ADAMTS6: variants seen among roughly 807,000 people sequenced by gnomAD.
ADAMTS6 encodes the protein ADAM metallopeptidase with thrombospondin type 1 motif 6.
Under a neutral mutation model 144.3 loss-of-function variants are expected in ADAMTS6, and 23 were observed. That is an observed-to-expected ratio of 0.16 (90% CI 0.11 to 0.23). ADAMTS6 has a LOEUF of 0.23. Among genes scored for constraint, ADAMTS6 ranks in the 10% least tolerant of loss-of-function variants. The pLI is 1.00. For synonymous variants in ADAMTS6, 444 were observed against 457.5 expected (o/e 0.97, Z 0.38); for missense variants, 999 against 1,379.6 (o/e 0.72, Z 4.37).
intron 24 of ADAMTS6, among the ~76,000 whole-genome samples, chr5:65,153,964 T>C (rs1253921767): frequency 6.6e-6 from 1 of 152,118 alleles, no homozygotes; most frequent in South Asian, 2.1e-4. Flanking sequence ...TCTCAGCACT[T>C]TGGGAGGCTG....
rs1754666561 is a variant in ADAMTS6 at position 65,407,689 on chromosome 5, CA to C, written c.1073+43785del. On this transcript the variant is annotated intron_variant, in intron 7 of 24. Transcript: ENST00000381055. ...GAACTCATCATTTTTTATGGCTGCA[CA>C]GTATTCCATGGTGTATATATGCCAC... Among the ~76,000 whole-genome samples, 3 of 152,040 alleles carry C rather than the reference CA, an allele frequency of 2.0e-5. No individual in the cohort carries two copies. In the South Asian group the frequency reaches 6.2e-4, roughly 32 times the overall value.
chr5:65,469,614 G>A (rs1760280882), intron 3 of ADAMTS6, among the ~76,000 whole-genome samples: 1 of 152,130 alleles, frequency 6.6e-6, no homozygotes, highest in Non-Finnish European at 1.5e-5. Flanking sequence ...TAGAAATTAA[G>A]CCTAAATCTT....
intron 7 of ADAMTS6, among the ~76,000 whole-genome samples, chr5:65,339,350 T>C (rs1580435797): frequency 6.6e-6 from 1 of 152,018 alleles, no homozygotes; most frequent in East Asian, 1.9e-4. Flanking sequence ...CCTATTTATA[T>C]GGATTAATCT....
At chr5:65,392,735 G>T (rs1425407972) in intron 7 of ADAMTS6, among the ~76,000 whole-genome samples, 1 of 152,044 alleles carries the variant, frequency 6.6e-6, no homozygotes, top group East Asian at 1.9e-4. Context: ...ACTTTCAGAA[G>T]GTTCTAACAC....
chr5:65,199,497 T>G (rs574729471), intron 20 of ADAMTS6, among the ~76,000 whole-genome samples: 7 of 152,320 alleles, frequency 4.6e-5, no homozygotes, highest in Non-Finnish European at 8.8e-5. Flanking sequence ...TAACAATGTA[T>G]GTATCTTGAA....
intron 7 of ADAMTS6, 39 bp from the exon 8 acceptor site, chr5:65,334,124 G>T (rs980222195): frequency 1.3e-6 from 2 of 1,491,768 alleles, no homozygotes; most frequent in Non-Finnish European, 8.9e-7. Flanking sequence ...AATCTGATCA[G>T]ATTTGTAACA....
intron 7 of ADAMTS6, among the ~76,000 whole-genome samples, chr5:65,387,737 G>A (rs1752590697): frequency 6.6e-6 from 1 of 152,136 alleles, no homozygotes; most frequent in Non-Finnish European, 1.5e-5. Context: ...AGTGAGGTTT[G>A]TTGGTTAATC....
chr5:65,358,540 A>G (rs943303746), intron 7 of ADAMTS6, among the ~76,000 whole-genome samples: 3 of 152,134 alleles, frequency 2.0e-5, no homozygotes, highest in Admixed American at 1.3e-4. Context: ...TAAAATTCAT[A>G]TGGAACCACA....
chr5:65,354,903 T>C (rs1473409189), intron 7 of ADAMTS6, among the ~76,000 whole-genome samples: 1 of 151,810 alleles, frequency 6.6e-6, no homozygotes, highest in Non-Finnish European at 1.5e-5. Context: ...AGCCCTAATA[T>C]AGTTAAGATA....
intron 7 of ADAMTS6, among the ~76,000 whole-genome samples, chr5:65,413,230 T>C (rs1390916890): frequency 6.6e-6 from 1 of 152,158 alleles, no homozygotes; most frequent in Non-Finnish European, 1.5e-5. Flanking sequence ...AGGAACTCTG[T>C]GGTAAGCCTA....
intron 12 of ADAMTS6, among the ~76,000 whole-genome samples, chr5:65,263,414 TA>T (rs747254767): frequency 0.019 from 2,320 of 123,206 alleles, 21 homozygotes; most frequent in Admixed American, 0.029. Context: ...TGCTCTTTCT[TA>T]AAAAAAAAAA....
intron 7 of ADAMTS6, among the ~76,000 whole-genome samples, chr5:65,353,921 T>A (rs1749083401): frequency 6.6e-6 from 1 of 151,954 alleles, no homozygotes; most frequent in Non-Finnish European, 1.5e-5. Flanking sequence ...TCAAATAGAT[T>A]ATTAAATTGT....
At position 65,478,253 on chromosome 5, in the gene ADAMTS6, G is replaced by A. The variant is rs138679472; in HGVS notation, c.-280+3090C>T. On this transcript the variant is annotated intron_variant, in intron 1 of 24. Transcript: ENST00000381055. ...AACCCACTTTCTGACACCTGGTGGG[G>A]AGGTTAATCTGGACACCATAAATAT... is the stretch of plus-strand genomic sequence containing the variant. Among the ~76,000 whole-genome samples, 608 of 152,316 alleles carry A rather than the reference G, an allele frequency of 4.0e-3. 3 individuals are homozygous for A. Among genetic ancestry groups the A allele is most frequent in the African/African-American group, 0.014 (583 of 41,564 alleles).
At chr5:65,220,640 G>A (rs574740855) in intron 18 of ADAMTS6, among the ~76,000 whole-genome samples, 13 of 152,196 alleles carry the variant, frequency 8.5e-5, no homozygotes, top group African/African-American at 2.6e-4. Flanking sequence ...CCAGCTACTC[G>A]GGAGGCTGAG....
At chr5:65,253,038 C>T (rs1760319668) in intron 14 of ADAMTS6, among the ~76,000 whole-genome samples, 1 of 151,860 alleles carries the variant, frequency 6.6e-6, no homozygotes. Flanking sequence ...CAGGCATGCA[C>T]CATCATGCCC....
chr5:65,425,558 T>G (rs543356365), intron 7 of ADAMTS6, among the ~76,000 whole-genome samples: 1 of 152,356 alleles, frequency 6.6e-6, no homozygotes, highest in African/African-American at 2.4e-5. Flanking sequence ...GTCTTTGTGA[T>G]GTTCCTGCTT....
At chr5:65,470,176 G>A (rs1484528116) in intron 3 of ADAMTS6, among the ~76,000 whole-genome samples, 7 of 151,852 alleles carry the variant, frequency 4.6e-5, no homozygotes, top group Non-Finnish European at 1.0e-4. Context: ...CTCCCATCAC[G>A]GCCTCCTAAA....
In ADAMTS6 at chr5:65,215,504, A is replaced by G; in HGVS notation, c.2273-17T>C. 2 of 1,593,418 alleles carry G rather than the reference A, an allele frequency of 1.3e-6. No homozygotes were observed. Among genetic ancestry groups the G allele is most frequent in the Non-Finnish European group, 1.7e-6 (2 of 1,171,182 alleles). On this transcript the variant is annotated splice_polypyrimidine_tract_variant and intron_variant, in intron 18 of 24. Transcript: ENST00000381055. ...ATTTTAAAGCTAGAAAACAAATCACAATTCACCTAAAAATGTGAAATTTCA... is the reference window on the plus strand; with the variant it reads ...ATTTTAAAGCTAGAAAACAAATCACGATTCACCTAAAAATGTGAAATTTCA...
At chr5:65,345,554 A>G (rs1290192968) in intron 7 of ADAMTS6, among the ~76,000 whole-genome samples, 1 of 151,806 alleles carries the variant, frequency 6.6e-6, no homozygotes, top group Admixed American at 6.6e-5. Context: ...GGTATCAGGG[A>G]AAGAAAAAGC....
Sources: gnomAD v4.1 joint callset for allele counts (sites outside exome capture counted in the v4.1 genomes callset) on GRCh38, gnomAD v4.1.1 for gene constraint, MANE v1.5 for transcripts, NCBI Gene and HGNC (gene_info 2026-07-23, HGNC 2026-07-21) for gene names.